The following RIPOR3 variants were observed in gnomAD, a reference collection of about 807,000 sequenced individuals.
RIPOR3 encodes the protein family with sequence similarity 65 member C.
A neutral mutation model predicts 114.3 loss-of-function variants in RIPOR3; 95 were observed. The ratio of observed to expected loss-of-function variants is 0.83; its 90% CI spans 0.70 to 0.99. The LOEUF (loss-of-function observed/expected upper bound fraction) is 0.99. Ranked by LOEUF, RIPOR3 falls within the 50% of genes least tolerant of loss-of-function variation. The pLI is 0.00. For missense variants in RIPOR3, 1,252 were observed against 1,266.9 expected, an observed-to-expected ratio of 0.99 and a Z score of 0.18; for synonymous variants, 575 against 543.8, an observed-to-expected ratio of 1.06 and a Z score of -0.80.
intron 13 of RIPOR3, among the ~76,000 whole-genome samples, chr20:50,600,408 GTA>G (rs2083452184): frequency 6.6e-6 from 1 of 152,174 alleles, no homozygotes; most frequent in Admixed American, 6.5e-5. Context: ...CAAAATACAA[GTA>G]TGTGACAAAT....
In RIPOR3 at chr20:50,660,857, G is replaced by A. The variant is rs2085970374; in HGVS notation, c.4-30001C>T. 3.3e-5 allele frequency among the ~76,000 whole-genome samples: 5 copies of A among 149,470 alleles called. No homozygotes were observed. In the South Asian group the frequency reaches 1.1e-3, roughly 32 times the overall value. The stretch of plus-strand genomic sequence containing the variant: ...GTAGGCTCGACCTCCTGGGCTCAAG[G>A]GATCCTCCCACCTCAGCACCCCCCA... On this transcript the variant is annotated intron_variant, in intron 1 of 21. Coordinates refer to ENST00000327979, the MANE Select transcript of RIPOR3 (RefSeq NM_001290268.2).
At chr20:50,654,644 C>G (rs1315505352) in intron 1 of RIPOR3, among the ~76,000 whole-genome samples, 1 of 152,080 alleles carries the variant, frequency 6.6e-6, no homozygotes, top group African/African-American at 2.4e-5. Flanking sequence ...TCTCCAGTGG[C>G]TTTGTCCTCT....
chr20:50,660,225 C>A (rs1298979490), intron 1 of RIPOR3: 1 of 152,132 alleles, frequency 6.6e-6, no homozygotes, highest in East Asian at 1.9e-4. Context: ...TTGTCTTAGT[C>A]CATTTTGTGT....
intron 1 of RIPOR3, among the ~76,000 whole-genome samples, chr20:50,649,241 T>C (rs1416064481): frequency 1.3e-5 from 2 of 152,304 alleles, no homozygotes; most frequent in Non-Finnish European, 2.9e-5. Context: ...GGTTAGGAGT[T>C]GGAGACCAGC....
chr20:50,681,204 G>A (rs186444955), intron 1 of RIPOR3, among the ~76,000 whole-genome samples: 29 of 111,894 alleles, frequency 2.6e-4, no homozygotes, highest in East Asian at 2.2e-3. Flanking sequence ...CAGCCTGGGC[G>A]ACAAAGCCAA....
intron 1 of RIPOR3, among the ~76,000 whole-genome samples, chr20:50,650,400 T>C (rs1307574162): frequency 6.6e-6 from 1 of 152,044 alleles, no homozygotes; most frequent in Non-Finnish European, 1.5e-5. Context: ...CCTCCCGGGC[T>C]CAAACAATCC....
chr20:50,633,816 C>T (rs1009309809), intron 1 of RIPOR3, among the ~76,000 whole-genome samples: 1 of 152,112 alleles, frequency 6.6e-6, no homozygotes, highest in Non-Finnish European at 1.5e-5. Flanking sequence ...AACTAAGGCT[C>T]GGAGCAGACC....
chr20:50,673,917 C>A (rs2086605075), intron 1 of RIPOR3, among the ~76,000 whole-genome samples: 1 of 152,128 alleles, frequency 6.6e-6, no homozygotes, highest in African/African-American at 2.4e-5. Context: ...CCATTTGTAG[C>A]CCCAAGTCAA....
At chr20:50,689,013 A>G (rs754184595) in intron 1 of RIPOR3, among the ~76,000 whole-genome samples, 22 of 152,070 alleles carry the variant, frequency 1.4e-4, no homozygotes, top group Non-Finnish European at 3.1e-4. Context: ...GGCACCTCAG[A>G]AGCTGCAGGG....
chr20:50,621,188 C>G, intron 2 of RIPOR3: 1 of 340,498 alleles, frequency 2.9e-6, no homozygotes, highest in Non-Finnish European at 5.6e-6. Context: ...GAAATACAGT[C>G]AAGTAGCCCA....
intron 13 of RIPOR3, among the ~76,000 whole-genome samples, chr20:50,600,486 C>T (rs754579744): frequency 1.1e-4 from 16 of 152,120 alleles, no homozygotes; most frequent in African/African-American, 3.6e-4. Flanking sequence ...GGTACAGGCA[C>T]GATGGCTCAC....
At chr20:50,589,084 G>GAAAAAAAAAAAA (rs529410533) in intron 20 of RIPOR3, among the ~76,000 whole-genome samples, 4 of 89,524 alleles carry the variant, frequency 4.5e-5, no homozygotes, top group African/African-American at 1.8e-4. Context: ...TCCATCTCAA[G>GAAAAAAAAAAAA]AAAAAAAAAA....
chr20:50,593,235 CT>C, intron 17 of RIPOR3, 39 bp from the exon 18 acceptor site: 1 of 1,593,808 alleles, frequency 6.3e-7, no homozygotes, highest in Non-Finnish European at 8.5e-7. Context: ...AAACTGAGAC[CT>C]CGACCCTCCA....
chr20:50,595,743 C>A (rs2083266128), intron 15 of RIPOR3, among the ~76,000 whole-genome samples: 2 of 152,230 alleles, frequency 1.3e-5, no homozygotes, highest in South Asian at 4.1e-4. Context: ...TGAAGCCAAC[C>A]CACATTGCAA....
At chr20:50,588,874 A>G (rs2083012621) in intron 20 of RIPOR3, among the ~76,000 whole-genome samples, 2 of 151,632 alleles carry the variant, frequency 1.3e-5, no homozygotes, top group South Asian at 2.1e-4. Flanking sequence ...AGGTCAGGAG[A>G]TCGAGACCAT....
chr20:50,597,449 C>A (rs41283600), intron 14 of RIPOR3, 131 bp downstream of exon 14: 6 of 1,335,228 alleles, frequency 4.5e-6, no homozygotes, highest in African/African-American at 1.5e-5. Context: ...GAAGGGTGCA[C>A]GATAGAGTGA....
chr20:50,662,598 G>T (rs1009824355), intron 1 of RIPOR3, among the ~76,000 whole-genome samples: 21 of 152,176 alleles, frequency 1.4e-4, no homozygotes, highest in Non-Finnish European at 1.5e-4. Flanking sequence ...GCCCACCCAG[G>T]ACCCTCCTCT....
chr20:50,629,662 C>A (rs766999702), intron 2 of RIPOR3, among the ~76,000 whole-genome samples: 2 of 152,216 alleles, frequency 1.3e-5, no homozygotes, highest in Non-Finnish European at 2.9e-5. Flanking sequence ...GGTAACCCCC[C>A]ACAGCACCAG....
chr20:50,609,275 C>T lies in RIPOR3; in HGVS notation c.640+18G>A. The T allele has an allele frequency of 1.2e-6, 2 of 1,612,738 alleles. No homozygotes were observed. The highest frequency in any genetic ancestry group is 4.5e-5 in the East Asian group (2 of 44,862). On this transcript the variant is annotated intron_variant, in intron 8 of 21. Transcript: ENST00000327979. ...GCCTCCAGAAAGGCCTCCGCCCACC[C>T]CCTCTCAGCCCTGTTACCTTTCATC...
Sources: gnomAD v4.1 joint callset for allele counts (sites outside exome capture counted in the v4.1 genomes callset) on GRCh38, gnomAD v4.1.1 for gene constraint, MANE v1.5 for transcripts, NCBI Gene and HGNC (gene_info 2026-07-23, HGNC 2026-07-21) for gene names.